PLEK2: variants seen among roughly 807,000 people sequenced by gnomAD.
PLEK2 encodes the protein pleckstrin 2.
In PLEK2, 29 loss-of-function variants were observed where a neutral mutation model predicts 43.8. That is an observed-to-expected ratio of 0.66 (90% CI 0.49 to 0.90). The LOEUF is 0.90. PLEK2 is among the 40% of genes least tolerant of loss of function. The probability of loss-of-function intolerance (pLI) is 0.00; values close to 1 mark genes in which losing one functional copy is unlikely to be tolerated. For missense variants in PLEK2, 398 were observed against 448.1 expected, an observed-to-expected ratio of 0.89 and a Z score of 1.01; for synonymous variants, 162 against 173.2, an observed-to-expected ratio of 0.94 and a Z score of 0.51.
At position 67,392,716 on chromosome 14, in the gene PLEK2, G is replaced by T; in HGVS notation, c.615C>A (p.Arg205=). 6.2e-7 allele frequency: 1 copy of T among 1,614,204 alleles called. No homozygotes were observed. The highest frequency in any genetic ancestry group is 8.5e-7 in the Non-Finnish European group (1 of 1,180,014). ...GGAACTGCTCGGCCAGATCCCCAGA[G>T]CGAATGGCTCCCATGCTTCGGACAC... is the stretch of plus-strand genomic sequence containing the variant. ...PVGVRSMGAI[R]SGDLAEQFLD... is the part of the protein sequence containing the mutation. Residue 205 remains arginine, a synonymous_variant, in exon 5 of 9, where the codon CGC becomes CGA. Transcript: ENST00000216446.
intron 5 of PLEK2, 54 bp downstream of exon 5, chr14:67,392,606 TTG>T (rs1349947404): frequency 2.0e-6 from 3 of 1,507,078 alleles, no homozygotes; most frequent in Non-Finnish European, 2.7e-6. Context: ...CCCCATTCTG[TTG>T]TGTCTTCCTT....
At chr14:67,408,395 G>C (rs2086095425) in intron 1 of PLEK2, among the ~76,000 whole-genome samples, 1 of 151,612 alleles carries the variant, frequency 6.6e-6, no homozygotes, top group African/African-American at 2.4e-5. Context: ...CTTGCTATGG[G>C]TTGAATTGTA....
At chr14:67,391,557 C>A (rs1459584049) in intron 6 of PLEK2, among the ~76,000 whole-genome samples, 1 of 152,166 alleles carries the variant, frequency 6.6e-6, no homozygotes, top group Non-Finnish European at 1.5e-5. Context: ...GTGACAGCAA[C>A]AGCACATGCT....
chr14:67,397,991 G>T, intron 1 of PLEK2, 165 bp from the exon 2 acceptor site: 1 of 499,876 alleles, frequency 2.0e-6, no homozygotes, highest in Non-Finnish European at 3.5e-6. Context: ...ACGTAGCAAA[G>T]ACCTTTGGCA....
At chr14:67,395,829 C>G (rs575235141) in intron 2 of PLEK2, among the ~76,000 whole-genome samples, 8 of 152,332 alleles carry the variant, frequency 5.3e-5, no homozygotes, top group African/African-American at 1.9e-4. Context: ...GCCTCCTGGA[C>G]ACACTAGTTC....
intron 1 of PLEK2, 66 bp from the exon 2 acceptor site, chr14:67,397,892 G>C: frequency 7.6e-7 from 1 of 1,324,090 alleles, no homozygotes; most frequent in South Asian, 1.5e-5. Flanking sequence ...TCAGGGAGGG[G>C]GTGTCTGGTG....
rs1464560369 is a variant in PLEK2 at position 67,397,677 on chromosome 14, C to A, written c.192G>T (p.Glu64Asp). 1 of 1,611,954 alleles carries A rather than the reference C, an allele frequency of 6.2e-7. No homozygotes were observed. The highest frequency in any genetic ancestry group is 8.5e-7 in the Non-Finnish European group (1 of 1,179,032). ...CATCACTTACCGGTCGGTTTTCATACTCCAGGCAGGGGCAGGTGATGGTGC... is the reference window on the plus strand; with the variant it reads ...CATCACTTACCGGTCGGTTTTCATAATCCAGGCAGGGGCAGGTGATGGTGC... ...DGCTITCPCLEYENRPLLIKL... is the reference protein window; with the variant it reads ...DGCTITCPCLDYENRPLLIKL... Residue 64 changes from glutamate (E) to aspartate (D), a missense_variant, in exon 2 of 9, where the codon GAG becomes GAT. Glu to Asp is a conservative substitution (Grantham distance 45). Coordinates refer to ENST00000216446, the MANE Select transcript of PLEK2 (RefSeq NM_016445.3).
At chr14:67,388,354 G>C in intron 7 of PLEK2, 52 bp from the exon 8 acceptor site, 1 of 1,070,530 alleles carries the variant, frequency 9.3e-7, no homozygotes, top group African/African-American at 1.5e-5. Context: ...CAAAAGGGAA[G>C]AGTTGCACTC....
At chr14:67,392,087 G>A (rs1053994466) in intron 6 of PLEK2, among the ~76,000 whole-genome samples, 1 of 152,224 alleles carries the variant, frequency 6.6e-6, no homozygotes. Flanking sequence ...AATTGTGTGT[G>A]TGTGTAGTAC....
intron 1 of PLEK2, among the ~76,000 whole-genome samples, chr14:67,398,593 A>C (rs1050722923): frequency 6.8e-6 from 1 of 146,264 alleles, no homozygotes; most frequent in Admixed American, 7.3e-5. Context: ...CACCTAAACG[A>C]CCCTTCTCTT....
At position 67,392,405 on chromosome 14, in the gene PLEK2, ATCT is replaced by A; in HGVS notation, c.689_691del (p.Lys230del). On this transcript the variant is annotated inframe_deletion, in exon 6 of 9. Coordinates refer to ENST00000216446, the MANE Select transcript of PLEK2 (RefSeq NM_016445.3). ...CAGGCTAATTTCTTCCTTGGGGCTT[ATCT>A]TCTTTTTGTAGCTCTCAGCCTAGGG... 1 of 1,613,664 alleles carries A rather than the reference ATCT, an allele frequency of 6.2e-7. No homozygotes were observed. The highest frequency in any genetic ancestry group is 8.5e-7 in the Non-Finnish European group (1 of 1,179,618).
chr14:67,397,524 GC>G (rs2086019272), intron 2 of PLEK2, 137 bp downstream of exon 2: 1 of 668,370 alleles, frequency 1.5e-6, no homozygotes, highest in Non-Finnish European at 2.5e-6. Flanking sequence ...CTGGTATGTG[GC>G]GGAGCCAGGA....
chr14:67,399,996 C>G (rs115779617), intron 1 of PLEK2, among the ~76,000 whole-genome samples: 2 of 152,178 alleles, frequency 1.3e-5, no homozygotes, highest in South Asian at 4.1e-4. Flanking sequence ...TGCCCCAACT[C>G]ACTCATTTCC....
rs201735830 is a variant in PLEK2 at position 67,390,790 on chromosome 14, T to C, written c.772-44A>G. ...TCAAAGCTCATTGGTGACAGCTGCATGTCCCTCTCTCCTGTATCTATGCAT... is the reference window on the plus strand; with the variant it reads ...TCAAAGCTCATTGGTGACAGCTGCACGTCCCTCTCTCCTGTATCTATGCAT... On this transcript the variant is annotated intron_variant, in intron 6 of 8. Transcript: ENST00000216446. 10 of 1,295,654 alleles carry C rather than the reference T, an allele frequency of 7.7e-6. No individual in the cohort carries two copies. In the East Asian group the frequency reaches 2.1e-4, roughly 27 times the overall value. 80.3% of individuals were successfully genotyped at this position (1,295,654 alleles called of 1,614,324 possible). A position where few individuals can be genotyped will look rare whatever the true frequency, so the allele number is the denominator to read the frequency against.
At chr14:67,402,401 G>A (rs2086054576) in intron 1 of PLEK2, among the ~76,000 whole-genome samples, 1 of 152,052 alleles carries the variant, frequency 6.6e-6, no homozygotes, top group Non-Finnish European at 1.5e-5. Flanking sequence ...ATCCCCTCAA[G>A]CATTTATCCT....
chr14:67,392,735 C>T lies in PLEK2; in HGVS notation c.596G>A (p.Arg199Gln), dbSNP rs139151620. The change falls in exon 5 of 9, where the codon CGA (arginine) becomes CAA (glutamine). Residue 199 changes from arginine (R) to glutamine (Q), a missense_variant. Coordinates refer to ENST00000216446, the MANE Select transcript of PLEK2 (RefSeq NM_016445.3). ...CCCAGAGCGAATGGCTCCCATGCTT[C>T]GGACACCCACAGGCCTGAGGAAGTT... ...EENFLRPVGV[R>Q]SMGAIRSGDL... 85 of 1,614,066 alleles carry T rather than the reference C, an allele frequency of 5.3e-5. No homozygotes were observed. Among genetic ancestry groups the T allele is most frequent in the Admixed American group, 1.3e-4 (8 of 60,012 alleles).
intron 2 of PLEK2, among the ~76,000 whole-genome samples, chr14:67,396,908 A>G (rs1287272539): frequency 6.6e-6 from 1 of 151,956 alleles, no homozygotes; most frequent in Non-Finnish European, 1.5e-5. Context: ...ATGTCTTGGC[A>G]CATGATGGGC....
rs774722283 is a variant in PLEK2, at chr14:67,390,180, CCAT to C, written c.855+480_855+482del. Among the ~76,000 whole-genome samples, 7 of 151,818 alleles carry C rather than the reference CCAT, an allele frequency of 4.6e-5. No homozygotes were observed. The South Asian group carries it at 1.0e-3, about 23-fold the overall frequency. On this transcript the variant is annotated intron_variant, in intron 7 of 8. Coordinates refer to ENST00000216446, the MANE Select transcript of PLEK2 (RefSeq NM_016445.3). The stretch of plus-strand genomic sequence containing the variant: ...ATAAAAATGATTTTTTTTTAATTTG[CCAT>C]CAAAGTTTTTTAAAAAGCAAATTAG...
At chr14:67,391,218 AAAG>A (rs2085964024) in intron 6 of PLEK2, among the ~76,000 whole-genome samples, 1 of 152,070 alleles carries the variant, frequency 6.6e-6, no homozygotes, top group Non-Finnish European at 1.5e-5. Flanking sequence ...CATTAGGAAA[AAAG>A]CAAGAAACGA....
Sources: gnomAD v4.1 joint callset for allele counts (sites outside exome capture counted in the v4.1 genomes callset) on GRCh38, gnomAD v4.1.1 for gene constraint, MANE v1.5 for transcripts, NCBI Gene and HGNC (gene_info 2026-07-23, HGNC 2026-07-21) for gene names.